The following MTRR variants were observed in gnomAD, a reference collection of about 807,000 sequenced individuals.
MTRR encodes the protein methionine synthase reductase.
MTRR carries 63 observed loss-of-function variants against 79.2 expected under a neutral mutation model. The observed-to-expected ratio is 0.80, with a 90% CI of 0.65 to 0.98. The LOEUF (loss-of-function observed/expected upper bound fraction) is 0.98, where lower values mean the gene tolerates loss of function less well. MTRR is among the 50% of genes least tolerant of loss of function. The pLI is 0.00. For synonymous variants in MTRR, 355 were observed against 313.3 expected (o/e 1.13, Z -1.41); for missense variants, 895 against 839.6 (o/e 1.07, Z -0.82).
At chr5:7,879,651 C>T (rs1735250456) in intron 5 of MTRR, among the ~76,000 whole-genome samples, 1 of 152,094 alleles carries the variant, frequency 6.6e-6, no homozygotes, top group Non-Finnish European at 1.5e-5. Flanking sequence ...TTTTGTAGGG[C>T]ATCCTCTTGG....
chr5:7,890,182 A>G (rs1182788746), intron 9 of MTRR: 1 of 851,206 alleles, frequency 1.2e-6, no homozygotes, highest in African/African-American at 1.8e-5. Flanking sequence ...TGGGCCAGCA[A>G]GATCCTTTTC....
chr5:7,861,212 G>A (rs769281386), intron 1 of MTRR: 2 of 1,612,556 alleles, frequency 1.2e-6, no homozygotes, highest in African/African-American at 1.3e-5. Context: ...TCCCCAGTAA[G>A]TGTTTGCTAT....
chr5:7,895,808 T>C lies in MTRR; in HGVS notation c.1632T>C (p.Gly544=), dbSNP rs1409889445. ...DDPSIPIIMV[G]PGTGIAPFIG... is the part of the protein sequence containing the mutation. Reference sequence around the variant, plus strand: ...CCTCAATCCCCATCATAATGGTGGGTCCAGGAACCGGCATAGCCCCGTTTA... The same window carrying C: ...CCTCAATCCCCATCATAATGGTGGGCCCAGGAACCGGCATAGCCCCGTTTA... The change falls in exon 12 of 15, where the codon GGT becomes GGC. Residue 544 remains glycine (G), a synonymous_variant. Transcript: ENST00000440940. The C allele has an allele frequency of 6.2e-7, 1 of 1,614,032 alleles. No individual in the cohort carries two copies. The highest frequency in any genetic ancestry group is 1.3e-5 in the African/African-American group (1 of 74,938).
At chr5:7,890,501 A>C (rs1399028897) in intron 9 of MTRR, 1 of 777,424 alleles carries the variant, frequency 1.3e-6, no homozygotes, top group East Asian at 1.3e-4. Context: ...TACCTTTTAG[A>C]ATGTTAGAAT....
At chr5:7,860,243 G>T (rs1746437898) in intron 1 of MTRR, among the ~76,000 whole-genome samples, 1 of 152,186 alleles carries the variant, frequency 6.6e-6, no homozygotes, top group Non-Finnish European at 1.5e-5. Flanking sequence ...CAGCAGATAT[G>T]AAACCACAGT....
At chr5:7,888,931 A>T (rs1737074067) in intron 8 of MTRR, among the ~76,000 whole-genome samples, 164 bp from the exon 9 acceptor site, 1 of 152,168 alleles carries the variant, frequency 6.6e-6, no homozygotes, top group Admixed American at 6.5e-5. Flanking sequence ...GTCAACATTA[A>T]AGCAAATGGT....
chr5:7,889,834 A>G (rs887142079), intron 9 of MTRR, among the ~76,000 whole-genome samples: 2 of 152,106 alleles, frequency 1.3e-5, no homozygotes, highest in African/African-American at 4.8e-5. Flanking sequence ...CAACATACTC[A>G]TGGTACTGCC....
At chr5:7,860,679 T>C (rs1400181115) in intron 1 of MTRR, among the ~76,000 whole-genome samples, 1 of 152,234 alleles carries the variant, frequency 6.6e-6, no homozygotes, top group Non-Finnish European at 1.5e-5. Flanking sequence ...CAAATTAAAA[T>C]GGAGCCTGTG....
intron 1 of MTRR, chr5:7,869,545 A>C: frequency 1.3e-5 from 4 of 312,538 alleles, no homozygotes; most frequent in South Asian, 6.1e-5. Context: ...GACGCGGGGA[A>C]CTGGGGAACA....
chr5:7,854,367 T>TA (rs1007811622), intron 1 of MTRR, among the ~76,000 whole-genome samples: 179 of 150,956 alleles, frequency 1.2e-3, no homozygotes, highest in African/African-American at 4.1e-3. Flanking sequence ...ATTATATATA[T>TA]TTTTTTATAT....
upstream of MTRR, chr5:7,851,117 G>A (rs1746067840): frequency 1.6e-6 from 2 of 1,213,936 alleles, no homozygotes; most frequent in Non-Finnish European, 2.1e-6. Context: ...CTCAGCGCCA[G>A]CGTCTAGCCC....
chr5:7,885,497 G>T (rs1358001249), intron 6 of MTRR, among the ~76,000 whole-genome samples: 1 of 151,622 alleles, frequency 6.6e-6, no homozygotes, highest in Admixed American at 6.6e-5. Context: ...CGTTTTAATA[G>T]TAACTGCTAA....
At chr5:7,856,936 A>T (rs1187788542) in intron 1 of MTRR, 1 of 151,266 alleles carries the variant, frequency 6.6e-6, no homozygotes, top group Non-Finnish European at 1.5e-5. Flanking sequence ...CTGTCACCAC[A>T]CTCTTCCACA....
At chr5:7,869,070 G>C, upstream of MTRR, 2 of 1,580,448 alleles carry the variant, frequency 1.3e-6, no homozygotes, top group East Asian at 2.2e-5. Flanking sequence ...GCACGACTCA[G>C]GGCGGCGCAA....
chr5:7,877,437 A>T (rs1462144976), intron 4 of MTRR, among the ~76,000 whole-genome samples: 3 of 150,682 alleles, frequency 2.0e-5, no homozygotes, highest in African/African-American at 7.4e-5. Flanking sequence ...GCATTAATCC[A>T]TAGTGATTTC....
At chr5:7,865,862 T>C (rs1188391089), upstream of MTRR, 3 of 1,478,878 alleles carry the variant, frequency 2.0e-6, no homozygotes, top group Admixed American at 1.7e-5. Context: ...ACTGCACCCA[T>C]GGGGAAATAA....
At chr5:7,892,116 G>T (rs962963149) in intron 10 of MTRR, among the ~76,000 whole-genome samples, 6 of 152,282 alleles carry the variant, frequency 3.9e-5, no homozygotes, top group East Asian at 3.9e-4. Flanking sequence ...CCATTGCACA[G>T]CCTCTACCGT....
rs533386392 is a variant in MTRR, at chr5:7,887,561, T to G, written c.1146+858T>G. On this transcript the variant is annotated intron_variant, in intron 8 of 14. Transcript: ENST00000440940. Reference sequence around the variant, plus strand: ...AAATATATGTATATTTATATATATATAGATTTATATATATATATATTCCAT... The same window carrying G: ...AAATATATGTATATTTATATATATAGAGATTTATATATATATATATTCCAT... Among the ~76,000 whole-genome samples the G allele has an allele frequency of 6.0e-4, 88 of 147,688 alleles. 2 individuals are homozygous for G. The highest frequency in any genetic ancestry group is 1.7e-3 in the African/African-American group (71 of 40,660).
chr5:7,867,428 CAA>C (rs774860916), upstream of MTRR: 11 of 1,614,038 alleles, frequency 6.8e-6, no homozygotes, highest in African/African-American at 1.3e-4. Flanking sequence ...CCCAAGAATA[CAA>C]AGATTGCGAA....
Sources: allele counts gnomAD v4.1 joint callset (sites outside exome capture counted in the v4.1 genomes callset), GRCh38; gene constraint gnomAD v4.1.1; transcripts MANE v1.5; gene names NCBI Gene and HGNC (gene_info 2026-07-23, HGNC 2026-07-21).